Variants in AGBL4 observed in about 807,000 individuals in gnomAD.
AGBL4 encodes cytosolic carboxypeptidase 6.
A neutral mutation model predicts 66.4 loss-of-function variants in AGBL4; 58 were observed. The ratio of observed to expected loss-of-function variants is 0.87; its 90% CI spans 0.71 to 1.09. The LOEUF (loss-of-function observed/expected upper bound fraction) is 1.09, where lower values mean the gene tolerates loss of function less well. Ranked by LOEUF, AGBL4 falls within the 50% of genes least tolerant of loss-of-function variation. AGBL4 has a pLI of 0.00. For synonymous variants in AGBL4, 234 were observed against 222.9 expected (o/e 1.05, Z -0.44); for missense variants, 579 against 631.0 (o/e 0.92, Z 0.88).
intron 3 of AGBL4, among the ~76,000 whole-genome samples, chr1:49,302,394 A>C (rs1026634458): frequency 2.0e-5 from 3 of 151,640 alleles, no homozygotes; most frequent in Non-Finnish European, 2.9e-5. Flanking sequence ...CTGGGACTAC[A>C]GGCATACACC....
chr1:48,602,884 A>T (rs1226895214), intron 9 of AGBL4, among the ~76,000 whole-genome samples: 3 of 150,446 alleles, frequency 2.0e-5, no homozygotes, highest in Non-Finnish European at 4.4e-5. Context: ...CTCTTTCTTC[A>T]CTTTATAGTA....
At chr1:49,570,221 C>A (rs1170183384) in intron 3 of AGBL4, among the ~76,000 whole-genome samples, 1 of 152,044 alleles carries the variant, frequency 6.6e-6, no homozygotes, top group African/African-American at 2.4e-5. Context: ...ATTCCATTTT[C>A]TCCACACCTT....
chr1:49,331,837 A>G (rs932926003), intron 3 of AGBL4, among the ~76,000 whole-genome samples: 34 of 148,582 alleles, frequency 2.3e-4, no homozygotes, highest in African/African-American at 8.0e-4. Context: ...GTAGGACCCA[A>G]TTCATTCCTT....
intron 3 of AGBL4, among the ~76,000 whole-genome samples, chr1:49,453,437 A>G (rs1646322138): frequency 6.6e-6 from 1 of 151,880 alleles, no homozygotes; most frequent in East Asian, 1.9e-4. Context: ...CTTTTCCAGA[A>G]ATATTCCTAA....
Position 49,122,470 on chromosome 1 carries a change from G to C in AGBL4, c.378-76670C>G, listed in dbSNP as rs562537434. Among the ~76,000 whole-genome samples the C allele has an allele frequency of 5.3e-5, 8 of 152,260 alleles. No individual in the cohort carries two copies. The East Asian group carries it at 1.5e-3, about 29-fold the overall frequency. On this transcript the variant is annotated intron_variant, in intron 4 of 13. Transcript: ENST00000371839. ...ATAAATAAAATGCTGCAGGCCACAT[G>C]ACACTTTCTAACAAAAATATTCCAA...
chr1:49,570,606 T>C (rs1276397012), intron 3 of AGBL4, among the ~76,000 whole-genome samples: 1 of 152,120 alleles, frequency 6.6e-6, no homozygotes, highest in African/African-American at 2.4e-5. Context: ...GTCTCATTTA[T>C]CTATTTTTGT....
chr1:49,166,034 A>T (rs960690705), intron 4 of AGBL4, among the ~76,000 whole-genome samples: 2 of 152,142 alleles, frequency 1.3e-5, no homozygotes, highest in African/African-American at 4.8e-5. Context: ...CTAGCTAACA[A>T]GGCATTCTAA....
At chr1:49,881,021 C>T (rs968037194) in intron 1 of AGBL4, among the ~76,000 whole-genome samples, 13 of 152,130 alleles carry the variant, frequency 8.5e-5, no homozygotes, top group Non-Finnish European at 1.2e-4. Flanking sequence ...CTTAGGCTCG[C>T]GCACAGTGCG....
rs1644624474 is a variant in AGBL4, at chr1:49,381,961, C to T, written c.283-136097G>A. On this transcript the variant is annotated intron_variant, in intron 3 of 13. Coordinates refer to ENST00000371839, the MANE Select transcript of AGBL4 (RefSeq NM_032785.4). ...TGTATACATATGTAACTAACCTGCA[C>T]ATTGTGCACATGTACCCTAAAACTT... is the stretch of plus-strand genomic sequence containing the variant. Among the ~76,000 whole-genome samples, 5 of 151,782 alleles carry T rather than the reference C, an allele frequency of 3.3e-5. No homozygotes were observed. The South Asian group carries it at 1.0e-3, about 32-fold the overall frequency.
At chr1:48,708,324 G>A (rs545645820) in intron 6 of AGBL4, among the ~76,000 whole-genome samples, 1 of 152,310 alleles carries the variant, frequency 6.6e-6, no homozygotes, top group South Asian at 2.1e-4. Context: ...GGGGCTGGAA[G>A]GGTTGTGTCA....
At chr1:49,278,611 T>C (rs1387129053) in intron 3 of AGBL4, among the ~76,000 whole-genome samples, 2 of 152,094 alleles carry the variant, frequency 1.3e-5, no homozygotes, top group African/African-American at 4.8e-5. Flanking sequence ...CAAATATTTA[T>C]GAGCTATTAA....
chr1:49,294,330 T>C (rs1227319262), intron 3 of AGBL4, among the ~76,000 whole-genome samples: 1 of 152,224 alleles, frequency 6.6e-6, no homozygotes, highest in Admixed American at 6.5e-5. Context: ...TGAAACTACA[T>C]GCTAGAAGTT....
At position 49,223,049 on chromosome 1, in the gene AGBL4, C is replaced by T. The variant is rs1649625186; in HGVS notation, c.377+22721G>A. On this transcript the variant is annotated intron_variant, in intron 4 of 13. Transcript: ENST00000371839. ...AACTTATGGCAGGATCTAGTAGTCA[C>T]ATTTGGCTGCTATTGATCATTAATA... Among the ~76,000 whole-genome samples, 3 of 152,220 alleles carry T rather than the reference C, an allele frequency of 2.0e-5. No homozygotes were observed. The South Asian group carries it at 6.2e-4, about 32-fold the overall frequency.
intron 1 of AGBL4, among the ~76,000 whole-genome samples, chr1:49,947,963 AAT>A (rs1298837993): frequency 1.7e-4 from 13 of 74,950 alleles, no homozygotes; most frequent in Middle Eastern, 6.0e-3. Context: ...TATATATATA[AAT>A]ATATATATTT....
At chr1:49,978,433 G>C (rs912003399) in intron 1 of AGBL4, among the ~76,000 whole-genome samples, 1 of 152,126 alleles carries the variant, frequency 6.6e-6, no homozygotes, top group Non-Finnish European at 1.5e-5. Flanking sequence ...AACAGAGAGA[G>C]ACCCTATCAC....
intron 5 of AGBL4, among the ~76,000 whole-genome samples, chr1:48,931,158 A>G (rs976443308): frequency 1.3e-5 from 2 of 152,224 alleles, no homozygotes; most frequent in African/African-American, 2.4e-5. Context: ...TGAGATGTAG[A>G]AACTAATATA....
chr1:49,846,716 T>C (rs749763330), intron 2 of AGBL4, among the ~76,000 whole-genome samples: 1 of 152,088 alleles, frequency 6.6e-6, no homozygotes, highest in Non-Finnish European at 1.5e-5. Flanking sequence ...GGAATACATG[T>C]AACCAAGGAG....
intron 3 of AGBL4, among the ~76,000 whole-genome samples, chr1:49,512,884 AT>A (rs1649406683): frequency 6.6e-6 from 1 of 151,986 alleles, no homozygotes; most frequent in Non-Finnish European, 1.5e-5. Flanking sequence ...AACTACATAT[AT>A]TTAACTCTCC....
At chr1:49,992,526 A>G (rs1355964369) in intron 1 of AGBL4, among the ~76,000 whole-genome samples, 1 of 151,496 alleles carries the variant, frequency 6.6e-6, no homozygotes, top group Non-Finnish European at 1.5e-5. Context: ...TCCAGTGATC[A>G]TTTCTTACCT....
Sources: gnomAD v4.1 joint callset for allele counts (sites outside exome capture counted in the v4.1 genomes callset) on GRCh38, gnomAD v4.1.1 for gene constraint, MANE v1.5 for transcripts, NCBI Gene and HGNC (gene_info 2026-07-23, HGNC 2026-07-21) for gene names.